SUPT3H: variants seen among roughly 807,000 people sequenced by gnomAD.
SUPT3H encodes SPT3 homolog, SAGA and STAGA complex component.
Under a neutral mutation model 44.3 loss-of-function variants are expected in SUPT3H, and 44 were observed. The ratio of observed to expected loss-of-function variants is 0.99; its 90% confidence interval spans 0.78 to 1.28. SUPT3H has a LOEUF of 1.28. SUPT3H is among the 50% of genes most tolerant of loss of function. SUPT3H has a pLI of 0.00. For synonymous variants in SUPT3H, 124 were observed against 125.6 expected (o/e 0.99, Z 0.09); for missense variants, 380 against 387.1 (o/e 0.98, Z 0.15).
chr6:45,348,739 T>C (rs1396429974), intron 2 of SUPT3H, among the ~76,000 whole-genome samples: 1 of 151,532 alleles, frequency 6.6e-6, no homozygotes, highest in African/African-American at 2.4e-5. Context: ...TGAAATAATA[T>C]ATAGGAAGAT....
intron 2 of SUPT3H, among the ~76,000 whole-genome samples, chr6:45,123,449 C>T (rs1388964575): frequency 6.6e-6 from 1 of 151,108 alleles, no homozygotes; most frequent in Non-Finnish European, 1.5e-5. Flanking sequence ...TCATGGCTCA[C>T]TGAAGCCTCC....
intron 2 of SUPT3H, among the ~76,000 whole-genome samples, chr6:45,282,116 G>C (rs1778230395): frequency 6.6e-6 from 1 of 152,152 alleles, no homozygotes; most frequent in Non-Finnish European, 1.5e-5. Context: ...ACCAAAGGTA[G>C]ATAAAACCAC....
At chr6:44,895,627 T>G (rs1764013553) in intron 10 of SUPT3H, among the ~76,000 whole-genome samples, 1 of 152,158 alleles carries the variant, frequency 6.6e-6, no homozygotes, top group South Asian at 2.1e-4. Context: ...TTAACATGGC[T>G]AAAACAATGT....
chr6:45,249,543 C>T (rs1054729899), intron 2 of SUPT3H, among the ~76,000 whole-genome samples: 4 of 151,936 alleles, frequency 2.6e-5, no homozygotes, highest in Non-Finnish European at 1.5e-5. Flanking sequence ...GAAACCTAAG[C>T]CCAGGGGGAT....
intron 3 of SUPT3H, among the ~76,000 whole-genome samples, chr6:45,063,002 G>T (rs1385401638): frequency 6.6e-6 from 1 of 151,400 alleles, no homozygotes; most frequent in East Asian, 1.9e-4. Context: ...TCCACCTCTG[G>T]GGGCAGGGCA....
intron 2 of SUPT3H, among the ~76,000 whole-genome samples, chr6:45,168,452 AAAGT>A (rs1810264735): frequency 1.3e-5 from 2 of 152,090 alleles, no homozygotes; most frequent in Admixed American, 1.3e-4. Flanking sequence ...AAAATGTATA[AAAGT>A]AAGCTGTATC....
At chr6:44,976,307 A>C (rs192773099) in intron 6 of SUPT3H, among the ~76,000 whole-genome samples, 1 of 152,370 alleles carries the variant, frequency 6.6e-6, no homozygotes, top group East Asian at 1.9e-4. Flanking sequence ...TAGTAAACGT[A>C]AATTCCTAAA....
In SUPT3H at chr6:44,826,745, T is replaced by TCAC. The variant is rs1281508876; in HGVS notation, c.*3068_*3070dup. On this transcript the variant is annotated 3_prime_UTR_variant, in exon 11 of 11. Transcript: ENST00000371459. ...AACATGTTTTCTTTCAGACCAAGAA[T>TCAC]CACCAGTTATGTTTATTTGTCTTCT... 6.6e-6 allele frequency among the ~76,000 whole-genome samples: 1 copy of TCAC among 152,204 alleles called. No homozygotes were observed. Among genetic ancestry groups the TCAC allele is most frequent in the African/African-American group, 2.4e-5 (1 of 41,456 alleles).
intron 2 of SUPT3H, chr6:45,328,329 C>T: frequency 7.3e-7 from 1 of 1,373,816 alleles, no homozygotes; most frequent in Non-Finnish European, 9.7e-7. Context: ...GTGAATGCTT[C>T]ATTCGCCTCA....
At chr6:45,246,122 T>C (rs1337120508) in intron 2 of SUPT3H, among the ~76,000 whole-genome samples, 4 of 152,142 alleles carry the variant, frequency 2.6e-5, no homozygotes, top group Non-Finnish European at 5.9e-5. Flanking sequence ...TTGGGTTGTT[T>C]GGGAGTTTTT....
chr6:45,003,792 T>C lies in SUPT3H; in HGVS notation c.365A>G (p.Asp122Gly). 6.2e-7 allele frequency: 1 copy of C among 1,613,522 alleles called. No individual in the cohort carries two copies. Among genetic ancestry groups the C allele is most frequent in the Non-Finnish European group, 8.5e-7 (1 of 1,179,716 alleles). Residue 122 changes from aspartate to glycine, a missense_variant and splice_region_variant, in exon 6 of 11, where the codon GAC (aspartate) becomes GGC (glycine). Coordinates refer to ENST00000371459, the MANE Select transcript of SUPT3H (RefSeq NM_003599.4). ...CGCATTATTGCTGCCACTCAATTTG[T>C]CTTCATGAAGTCAAGGGAAAGAAAA... ...KGIDEDDLLE[D>G]KLSGSNNANK...
Position 45,290,454 on chromosome 6 carries a change from A to ATT in SUPT3H, c.101+74746_101+74747insAA, listed in dbSNP as rs202221600. 2.3e-5 allele frequency among the ~76,000 whole-genome samples: 3 copies of ATT among 128,378 alleles called. 1 individual carries two copies. The East Asian group carries it at 6.8e-4, about 29-fold the overall frequency. 84.2% of individuals were successfully genotyped at this position (128,378 alleles called of 152,430 possible). On this transcript the variant is annotated intron_variant, in intron 2 of 10. Coordinates refer to ENST00000371459, the MANE Select transcript of SUPT3H (RefSeq NM_003599.4). The stretch of plus-strand genomic sequence containing the variant: ...CTGGAAAAAGATCAGGGCATGGATG[A>ATT]TCAAAAAAAAAAAAAAAAAGCAGAG...
chr6:45,355,247 C>G (rs913173993), intron 2 of SUPT3H, among the ~76,000 whole-genome samples: 2 of 151,824 alleles, frequency 1.3e-5, no homozygotes, highest in African/African-American at 4.8e-5. Context: ...CAGGCATGAG[C>G]CACCATGCCC....
intron 2 of SUPT3H, among the ~76,000 whole-genome samples, chr6:45,240,403 T>G (rs1770070747): frequency 1.3e-5 from 2 of 152,210 alleles, no homozygotes; most frequent in Non-Finnish European, 2.9e-5. Context: ...TTTATCAATC[T>G]TGGCTGGCAA....
At chr6:45,115,960 T>C (rs1396115324) in intron 2 of SUPT3H, among the ~76,000 whole-genome samples, 1 of 152,018 alleles carries the variant, frequency 6.6e-6, no homozygotes, top group Non-Finnish European at 1.5e-5. Context: ...ATCAACAACA[T>C]TCTCATCTCT....
intron 9 of SUPT3H, among the ~76,000 whole-genome samples, chr6:44,945,049 G>A (rs915468491): frequency 4.0e-5 from 6 of 151,676 alleles, no homozygotes; most frequent in Admixed American, 6.6e-5. Flanking sequence ...ATGTCTCTGT[G>A]TCATATTTTG....
chr6:44,886,556 C>T (rs556105904), intron 10 of SUPT3H, among the ~76,000 whole-genome samples: 2,023 of 152,198 alleles, frequency 0.013, 47 homozygotes, highest in African/African-American at 0.046. Flanking sequence ...CCTTTACAGA[C>T]AAGCAAATGC....
intron 2 of SUPT3H, among the ~76,000 whole-genome samples, chr6:45,155,207 A>G (rs1331612890): frequency 6.6e-6 from 1 of 152,180 alleles, no homozygotes; most frequent in Non-Finnish European, 1.5e-5. Flanking sequence ...TTAATTGAGA[A>G]TGTTGTTTTA....
intron 2 of SUPT3H, among the ~76,000 whole-genome samples, chr6:45,143,996 A>AAGAAAC (rs1805641568): frequency 4.6e-5 from 7 of 152,236 alleles, no homozygotes; most frequent in Admixed American, 4.6e-4. Flanking sequence ...TTGAATCAGG[A>AAGAAAC]AGAAACAGAA....
Sources: allele counts gnomAD v4.1 joint callset (sites outside exome capture counted in the v4.1 genomes callset), GRCh38; gene constraint gnomAD v4.1.1; transcripts MANE v1.5; gene names NCBI Gene and HGNC (gene_info 2026-07-23, HGNC 2026-07-21).